The following CEP131 variants were observed in gnomAD, a reference collection of about 807,000 sequenced individuals.
CEP131 encodes the protein centrosomal protein of 131 kDa.
In CEP131, 99 loss-of-function variants were observed where a neutral mutation model predicts 136.8. The observed-to-expected ratio is 0.72, with a 90% CI of 0.62 to 0.86. CEP131 has a LOEUF of 0.86. CEP131 is among the 40% of genes least tolerant of loss of function. The pLI is 0.00. For synonymous variants in CEP131, 646 were observed against 612.7 expected, an observed-to-expected ratio of 1.05 and a Z score of -0.80; for missense variants, 1,459 against 1,463.0, an observed-to-expected ratio of 1.00 and a Z score of 0.04.
chr17:81,192,570 A>T lies in CEP131; in HGVS notation c.2453T>A (p.Leu818Gln). Residue 818 changes from leucine (L) to glutamine (Q), a missense_variant, in exon 20 of 26, where the codon CTG becomes CAG. Leu to Gln is a moderately radical substitution (Grantham distance 113, BLOSUM62 -2). This residue lies in a region of CEP131 where 1,026 missense variants were observed against 964.2 expected (regional missense o/e 1.06). Transcript: ENST00000450824. ...AARQRAELEE[L>Q]RQQLEESSSA... ...GCTGCTCTCCTCCAGCTGCTGCCTC[A>T]GCTCTTCCAGCTCCGCCCGCTGCCT... 6.2e-7 allele frequency: 1 copy of T among 1,608,082 alleles called. No individual in the cohort carries two copies. Among genetic ancestry groups the T allele is most frequent in the Non-Finnish European group, 8.5e-7 (1 of 1,179,288 alleles).
intron 10 of CEP131, 62 bp from the exon 11 acceptor site, chr17:81,199,033 A>G (rs2061831240): frequency 3.5e-6 from 5 of 1,418,450 alleles, no homozygotes; most frequent in South Asian, 2.9e-5. Flanking sequence ...GCAACTCTGG[A>G]GGCACCCCCG....
At position 81,192,738 on chromosome 17, in the gene CEP131, G is replaced by A. The variant is rs755567058; in HGVS notation, c.2427C>T (p.Ala809=). Reference sequence around the variant, plus strand: ...GGCGTGGTGCCCCCGGGCGGCACCTGGCTGCCTGCTGGCCCAGCCGCTCCC... The same window carrying A: ...GGCGTGGTGCCCCCGGGCGGCACCTAGCTGCCTGCTGGCCCAGCCGCTCCC... ...EERERLGQQA[A]RQRAELEELR... is the part of the protein sequence containing the mutation. The change falls in exon 19 of 26, where the codon GCC becomes GCT. Residue 809 remains alanine (A), a splice_region_variant and synonymous_variant. Transcript: ENST00000450824. The A allele has an allele frequency of 6.4e-7, 1 of 1,572,028 alleles. No individual in the cohort carries two copies. Among genetic ancestry groups the A allele is most frequent in the Admixed American group, 1.7e-5 (1 of 59,862 alleles).
intron 2 of CEP131, among the ~76,000 whole-genome samples, chr17:81,216,001 G>A (rs2146724193): frequency 6.6e-6 from 1 of 152,170 alleles, no homozygotes; most frequent in East Asian, 1.9e-4. Flanking sequence ...CGAGGTGGGA[G>A]GATCGCTTCA....
intron 15 of CEP131, 93 bp downstream of exon 15, chr17:81,196,608 A>C (rs2061760106): frequency 6.7e-7 from 1 of 1,493,098 alleles, no homozygotes; most frequent in Non-Finnish European, 8.9e-7. Context: ...CCAACAGAGG[A>C]AGAAGCTCCC....
In CEP131 at chr17:81,190,919, C is replaced by T. The variant is rs1188709716; in HGVS notation, c.2931G>A (p.Glu977=). ...CCCGCCCACTCACCGCCTGCGCATC[C>T]TCCAGCGCCCGCTCCTTCTGCCGCA... ...GLVRQKERAL[E]DAQAVNEQLS... The change falls in exon 23 of 26, where the codon GAG becomes GAA. Residue 977 remains glutamate (E), a synonymous_variant. Transcript: ENST00000450824. 6.2e-7 allele frequency: 1 copy of T among 1,604,168 alleles called. No individual in the cohort carries two copies.
intron 17 of CEP131, 84 bp downstream of exon 17, chr17:81,194,786 C>G: frequency 1.8e-6 from 2 of 1,119,554 alleles, no homozygotes; most frequent in South Asian, 2.5e-5. Context: ...TACATGAATG[C>G]CTGAAGTTAT....
intron 8 of CEP131, 89 bp from the exon 9 acceptor site, chr17:81,199,924 T>C: frequency 7.6e-7 from 1 of 1,318,766 alleles, no homozygotes; most frequent in South Asian, 1.2e-5. Context: ...CGCCCTGGAG[T>C]CCCCTAGAGT....
intron 2 of CEP131, among the ~76,000 whole-genome samples, chr17:81,217,729 G>C (rs2062281170): frequency 6.6e-6 from 1 of 152,182 alleles, no homozygotes; most frequent in South Asian, 2.1e-4. Flanking sequence ...TGAACGAGGG[G>C]ACTGTTAGCA....
In CEP131 at chr17:81,203,458, ACCCCGCAG is replaced by A. The variant is rs1401825902; in HGVS notation, c.629+28_629+35del. ...GACTACATGCCCTAACTGAGGTCGG[ACCCCGCAG>A]CCCCGCGGCCTCCCCAGAAGACCTT... On this transcript the variant is annotated intron_variant, in intron 6 of 25. Transcript: ENST00000450824. This position sits in a 1 kb window ranked among gnomAD's most constrained non-coding sequence, Gnocchi z 4.6. 55 of 1,528,910 alleles carry A rather than the reference ACCCCGCAG, an allele frequency of 3.6e-5. No individual in the cohort carries two copies. Among genetic ancestry groups the A allele is most frequent in the Non-Finnish European group, 4.9e-5 (55 of 1,127,752 alleles). 94.7% of individuals were successfully genotyped at this position (1,528,910 alleles called of 1,614,324 possible). A position where few individuals can be genotyped will look rare whatever the true frequency, so the allele number is the denominator to read the frequency against.
intron 19 of CEP131, 51 bp downstream of exon 19, chr17:81,192,685 G>GGGGGGGGGGGGGGGGCCCCC: frequency 6.3e-6 from 3 of 478,424 alleles, no homozygotes; most frequent in Non-Finnish European, 1.2e-5. Context: ...GGGGGGAGGG[G>GGGGGGGGGGGGGGGGCCCCC]TCAGCCAGCG....
chr17:81,192,791 G>A lies in CEP131; in HGVS notation c.2374C>T (p.Arg792Trp), dbSNP rs746956401. The change falls in exon 19 of 26, where the codon CGG (arginine) becomes TGG (tryptophan). Residue 792 changes from arginine to tryptophan, a missense_variant. By Grantham distance (101) the Arg-to-Trp change is moderately radical. Transcript: ENST00000450824. ...EQWALQQQRQ[R>W]LYSEVAEERE... is the part of the protein sequence containing the mutation. ...TCCTCAGCCACCTCACTGTACAGCC[G>A]CTGCCGTTGCTGCTGCAGCGCCCAC... 3.8e-6 allele frequency: 6 copies of A among 1,597,654 alleles called. No individual in the cohort carries two copies. Among genetic ancestry groups the A allele is most frequent in the Admixed American group, 3.3e-5 (2 of 59,962 alleles).
chr17:81,194,974 T>C lies in CEP131; in HGVS notation c.2017-2A>G. The C allele has an allele frequency of 1.9e-6, 3 of 1,608,998 alleles. No individual in the cohort carries two copies. Among genetic ancestry groups the C allele is most frequent in the Middle Eastern group, 3.3e-4 (2 of 6,050 alleles). ...TAATTCTTTGAGTTTTTTAATCTCC[T>C]ACGAGCAGAACAGGGCAGGAGGAAA... On this transcript the variant is annotated splice_acceptor_variant, in intron 16 of 25. Transcript: ENST00000450824. LOFTEE classifies it high-confidence loss of function.
At chr17:81,200,077 A>G (rs1182636650) in intron 8 of CEP131, 2 of 608,282 alleles carry the variant, frequency 3.3e-6, no homozygotes, top group Non-Finnish European at 5.8e-6. Flanking sequence ...CCCCCACAGA[A>G]CGTCCTCCTG....
Position 81,199,473 on chromosome 17 carries a change from T to C in CEP131, c.1100A>G (p.Glu367Gly), listed in dbSNP as rs771810454. 1.2e-6 allele frequency: 2 copies of C among 1,609,414 alleles called. No individual in the cohort carries two copies. The highest frequency in any genetic ancestry group is 1.7e-6 in the Non-Finnish European group (2 of 1,178,652). ...AERGPPENPR[E>G]TRVPGMRQPA... is the part of the protein sequence containing the mutation. ...CTGCCGCATTCCTGGCACTCTGGTC[T>C]CCCTGGGATTCTCAGGTGGCCCACG... The change falls in exon 10 of 26, where the codon GAG becomes GGG. Residue 367 changes from glutamate to glycine, a missense_variant. Physicochemically the swap from Glu to Gly is moderately conservative, Grantham distance 98. Transcript: ENST00000450824.
intron 2 of CEP131, among the ~76,000 whole-genome samples, chr17:81,211,934 GAAA>G (rs149683349): frequency 8.7e-6 from 1 of 115,134 alleles, no homozygotes; most frequent in Non-Finnish European, 1.8e-5. Context: ...CCCTGTCTCT[GAAA>G]AAAAAAAAAA....
In CEP131 at chr17:81,203,506, G is replaced by A. The variant is rs1413734936; in HGVS notation, c.617C>T (p.Ala206Val). The A allele has an allele frequency of 6.2e-7, 1 of 1,603,422 alleles. No individual in the cohort carries two copies. Among genetic ancestry groups the A allele is most frequent in the Admixed American group, 1.7e-5 (1 of 58,772 alleles). ...CAGAAGACCTTACTTGAGGGAGGGGGCAGTCTGGTTGGAGCTCTTGAGCGG... is the reference window on the plus strand; with the variant it reads ...CAGAAGACCTTACTTGAGGGAGGGGACAGTCTGGTTGGAGCTCTTGAGCGG... ...APPLKSSNQT[A>V]PSLNNIIKAA... Residue 206 changes from alanine (A) to valine (V), a missense_variant, in exon 6 of 26, where the codon GCC becomes GTC. Ala to Val is a moderately conservative substitution (Grantham distance 64). Transcript: ENST00000450824. The surrounding 1 kb of genome is among the most constrained non-coding windows in gnomAD (Gnocchi z 4.6).
chr17:81,220,124 C>T, intron 1 of CEP131, 51 bp from the exon 2 acceptor site: 2 of 1,353,244 alleles, frequency 1.5e-6, no homozygotes, highest in Non-Finnish European at 1.9e-6. Flanking sequence ...GAACTACAGT[C>T]CCCTGCACCC....
Position 81,198,916 on chromosome 17 carries a change from T to G in CEP131, c.1248A>C (p.Ser416=), listed in dbSNP as rs73356006. Residue 416 remains serine (S), a synonymous_variant, in exon 11 of 26, where the codon TCA becomes TCC. Transcript: ENST00000450824. ...PGDRCLPTSD[S]SPEPQQPPED... ...CTGGAGGCTGCTGTGGTTCTGGGGA[T>G]GAGTCGGAGGTGGGCAGGCAGCGGT... 6,886 of 1,593,652 alleles carry G rather than the reference T, an allele frequency of 4.3e-3. 235 individuals are homozygous for G. The African/African-American group carries it at 0.081, about 19-fold the overall frequency.
intron 2 of CEP131, among the ~76,000 whole-genome samples, chr17:81,210,532 G>C (rs1212751269): frequency 6.6e-6 from 1 of 151,910 alleles, no homozygotes; most frequent in African/African-American, 2.4e-5. Context: ...ATTGGGCCAC[G>C]GCACTCCAGC....
Sources: gnomAD v4.1 joint callset for allele counts (sites outside exome capture counted in the v4.1 genomes callset) on GRCh38, gnomAD v4.1.1 for gene constraint, gnomAD v4.1.1 regional missense constraint, Gnocchi (gnomAD v3.1) non-coding constraint, MANE v1.5 for transcripts, NCBI Gene and HGNC (gene_info 2026-07-23, HGNC 2026-07-21) for gene names.